KHNYN: variants seen among roughly 807,000 people sequenced by gnomAD.
The protein encoded by KHNYN is KH and NYN domain containing.
Under a neutral mutation model 62.7 loss-of-function variants are expected in KHNYN, and 42 were observed. That is an observed-to-expected ratio of 0.67 (90% CI 0.52 to 0.87). KHNYN has a LOEUF of 0.87. KHNYN is among the 40% of genes least tolerant of loss of function. KHNYN has a pLI of 0.00. For synonymous variants in KHNYN, 347 were observed against 345.6 expected (o/e 1.00, Z -0.04); for missense variants, 829 against 874.1 (o/e 0.95, Z 0.65).
upstream of KHNYN, chr14:24,428,801 G>T (rs771464590): frequency 8.1e-6 from 13 of 1,609,514 alleles, no homozygotes; most frequent in Non-Finnish European, 1.1e-5. Context: ...GGTTTCCCCT[G>T]CTGGCTCATG....
At chr14:24,428,868 C>A, upstream of KHNYN, 1 of 1,608,258 alleles carries the variant, frequency 6.2e-7, no homozygotes, top group Non-Finnish European at 8.5e-7. Flanking sequence ...TCTCCCAGGG[C>A]TGCTCCCCCG....
intron 5 of KHNYN, among the ~76,000 whole-genome samples, 196 bp downstream of exon 5, chr14:24,433,228 A>G (rs980585872): frequency 5.9e-5 from 9 of 152,206 alleles, no homozygotes; most frequent in Admixed American, 5.9e-4. Context: ...ACTGTAGACA[A>G]CCATGTTTGT....
At chr14:24,430,231 C>T (rs1431683536) in intron 1 of KHNYN, 112 bp downstream of exon 1, 11 of 857,204 alleles carry the variant, frequency 1.3e-5, no homozygotes, top group Non-Finnish European at 1.5e-5. Context: ...CGGCCCGGCC[C>T]GGCCCCTGGG....
upstream of KHNYN, chr14:24,427,620 C>T: frequency 1.4e-6 from 1 of 691,912 alleles, no homozygotes; most frequent in Non-Finnish European, 2.5e-6. This position sits in a 1 kb window ranked among gnomAD's most constrained non-coding sequence, Gnocchi z 4.4. Flanking sequence ...CTGGAGATGC[C>T]ACAGCTCTAC....
In KHNYN at chr14:24,438,908, T is replaced by C. The variant is rs576467625; in HGVS notation, c.*1623T>C. On this transcript the variant is annotated 3_prime_UTR_variant, in exon 8 of 8. Coordinates refer to ENST00000553935, the MANE Select transcript of KHNYN (RefSeq NM_015299.3). The stretch of plus-strand genomic sequence containing the variant: ...GTGGCACAGGGAGTTGAATACTGCA[T>C]GGCGAGTGTAATGATGATGGGGAGG... 1 of 152,350 alleles carries C rather than the reference T, an allele frequency of 6.6e-6. No individual in the cohort carries two copies. The highest frequency in any genetic ancestry group is 1.9e-4 in the East Asian group (1 of 5,176). The allele number at this position is 152,350 out of a possible 1,614,324, so 9.4% of individuals were successfully genotyped here.
chr14:24,429,585 C>T (rs1491000601), upstream of KHNYN: 9 of 692,964 alleles, frequency 1.3e-5, no homozygotes, highest in African/African-American at 1.8e-4. Context: ...GGGTACCCTC[C>T]GCCTCCCGCC....
At chr14:24,434,397 C>T in intron 5 of KHNYN, 1 of 983,994 alleles carries the variant, frequency 1.0e-6, no homozygotes, top group Non-Finnish European at 1.2e-6. Flanking sequence ...ATAAGTGTAC[C>T]ATATAATTTT....
intron 5 of KHNYN, chr14:24,435,365 G>C (rs1038152161): frequency 6.6e-6 from 1 of 152,418 alleles, no homozygotes; most frequent in Non-Finnish European, 1.5e-5. Flanking sequence ...AGGCCTGGGT[G>C]TGTGGACTTT....
intron 5 of KHNYN, 141 bp downstream of exon 5, chr14:24,433,173 T>G (rs188007490): frequency 2.7e-6 from 2 of 747,078 alleles, no homozygotes; most frequent in Admixed American, 4.6e-5. Flanking sequence ...TCTGTGTGCC[T>G]TATGATTGGG....
intron 2 of KHNYN, 119 bp from the exon 3 acceptor site, chr14:24,431,344 G>A (rs1371150078): frequency 1.6e-5 from 12 of 764,002 alleles, no homozygotes; most frequent in Non-Finnish European, 2.5e-5. Context: ...TCTCTAAAAT[G>A]GGAATAACAT....
Position 24,441,113 on chromosome 14 carries a change from G to T in KHNYN, c.*3828G>T, listed in dbSNP as rs2043325090. 3.6e-6 allele frequency: 2 copies of T among 555,632 alleles called. No individual in the cohort carries two copies. The highest frequency in any genetic ancestry group is 6.5e-6 in the Non-Finnish European group (2 of 305,688). 34.4% of individuals were successfully genotyped at this position (555,632 alleles called of 1,614,324 possible). On this transcript the variant is annotated 3_prime_UTR_variant, in exon 8 of 8. Transcript: ENST00000553935. ...AGCGTTCCTTCCCTGGAGGAACTCT[G>T]GTTGCAGGGCTAAACTTAGAGGCTG...
At chr14:24,428,945 T>G (rs1451443111), upstream of KHNYN, 14 of 1,553,698 alleles carry the variant, frequency 9.0e-6, no homozygotes, top group South Asian at 1.2e-4. Flanking sequence ...CAGGACGGGC[T>G]CTGACCCCTC....
intron 1 of KHNYN, 103 bp downstream of exon 1, chr14:24,430,222 G>A: frequency 2.3e-6 from 2 of 873,178 alleles, no homozygotes; most frequent in Non-Finnish European, 2.7e-6. Flanking sequence ...GGGCGGGCCC[G>A]GCCCGGCCCG....
upstream of KHNYN, chr14:24,429,084 C>A: frequency 6.8e-7 from 1 of 1,465,478 alleles, no homozygotes; most frequent in Admixed American, 2.7e-5. Flanking sequence ...CCACAAGTGC[C>A]CCGGTCTTCT....
At chr14:24,430,403 GGA>G (rs2043084610) in intron 1 of KHNYN, 1 of 1,155,172 alleles carries the variant, frequency 8.7e-7, no homozygotes, top group Non-Finnish European at 1.1e-6. Flanking sequence ...GAGTGCCCCA[GGA>G]GACTCCTTCT....
At chr14:24,429,948 A>T (rs561526846), upstream of KHNYN, 51 of 995,868 alleles carry the variant, frequency 5.1e-5, no homozygotes, top group African/African-American at 8.7e-4. Flanking sequence ...AAGTGACTCA[A>T]GAAACAGTTT....
At chr14:24,423,442 G>A in the KHNYN span, among the ~76,000 whole-genome samples, 4 of 152,136 alleles carry the variant, frequency 2.6e-5, no homozygotes, top group African/African-American at 9.7e-5. Flanking sequence ...GTCTCCCACC[G>A]AGACAGGCAG....
rs776666348 is a variant in KHNYN at position 24,437,257 on chromosome 14, C to G, written c.2009C>G (p.Ser670Cys). ...TACTGCCGGGACATCAACCAACTGT[C>G]TGAGGCCCTGCTCAGTCTTAACTTT... The part of the protein sequence containing the change: ...EPYCRDINQL[S>C]EALLSLNF The change falls in exon 8 of 8, where the codon TCT becomes TGT. Residue 670 changes from serine to cysteine, a missense_variant. Coordinates refer to ENST00000553935, the MANE Select transcript of KHNYN (RefSeq NM_015299.3). This position sits in a 1 kb window ranked among gnomAD's most constrained non-coding sequence, Gnocchi z 5.5. The G allele has an allele frequency of 6.2e-7, 1 of 1,614,106 alleles. No individual in the cohort carries two copies. The highest frequency in any genetic ancestry group is 8.5e-7 in the Non-Finnish European group (1 of 1,179,960).
chr14:24,427,379 G>A (rs925433829), upstream of KHNYN: 1 of 211,422 alleles, frequency 4.7e-6, no homozygotes, highest in East Asian at 1.4e-4. The surrounding 1 kb of genome is among the most constrained non-coding windows in gnomAD (Gnocchi z 4.4). Flanking sequence ...GGTACGCTGA[G>A]GCTTGTCCAT....
Sources: gnomAD v4.1 joint callset for allele counts (sites outside exome capture counted in the v4.1 genomes callset) on GRCh38, gnomAD v4.1.1 for gene constraint, Gnocchi (gnomAD v3.1) non-coding constraint, MANE v1.5 for transcripts, NCBI Gene and HGNC (gene_info 2026-07-23, HGNC 2026-07-21) for gene names.